ANKS1B: variants seen among roughly 807,000 people sequenced by gnomAD.
The protein encoded by ANKS1B is ankyrin repeat and sterile alpha motif domain containing 1B.
In ANKS1B, 36 loss-of-function variants were observed where a neutral mutation model predicts 148.3. The ratio of observed to expected loss-of-function variants is 0.24; its 90% confidence interval spans 0.19 to 0.32. The LOEUF (loss-of-function observed/expected upper bound fraction) is 0.32. Ranked by LOEUF, ANKS1B falls within the 10% of genes least tolerant of loss-of-function variation. ANKS1B has a pLI of 1.00. For missense variants in ANKS1B, 1,157 were observed against 1,542.6 expected (o/e 0.75, Z 4.19); for synonymous variants, 542 against 560.8 (o/e 0.97, Z 0.47).
At chr12:99,122,289 A>G (rs1437022170) in intron 15 of ANKS1B, among the ~76,000 whole-genome samples, 1 of 152,218 alleles carries the variant, frequency 6.6e-6, no homozygotes, top group Non-Finnish European at 1.5e-5. Context: ...TGTTGAATAG[A>G]AGAATTTGGA....
exon 10 of ANKS1B, chr12:98,735,429 A>C: frequency 2.3e-6 from 1 of 429,918 alleles, no homozygotes; most frequent in Non-Finnish European, 4.2e-6. Context: ...TTGTTTTGAA[A>C]AACATTTTTG....
intron 1 of ANKS1B, among the ~76,000 whole-genome samples, chr12:99,847,774 G>C (rs1484359728): frequency 6.6e-6 from 1 of 151,920 alleles, no homozygotes; most frequent in Non-Finnish European, 1.5e-5. Context: ...TAGGAGTGTT[G>C]ACCCTGACCC....
intron 9 of ANKS1B, among the ~76,000 whole-genome samples, chr12:99,538,754 T>G (rs1171591217): frequency 6.6e-6 from 1 of 152,150 alleles, no homozygotes; most frequent in East Asian, 1.9e-4. Flanking sequence ...TGATTGCTCT[T>G]GCTAGGACTT....
intron 10 of ANKS1B, among the ~76,000 whole-genome samples, chr12:99,493,323 T>G (rs1244363352): frequency 1.3e-5 from 2 of 152,224 alleles, no homozygotes; most frequent in East Asian, 3.8e-4. Context: ...GACTGCAATG[T>G]GAATAATAAA....
At chr12:98,864,693 T>C (rs1400465156) in intron 17 of ANKS1B, among the ~76,000 whole-genome samples, 1 of 152,222 alleles carries the variant, frequency 6.6e-6, no homozygotes, top group African/African-American at 2.4e-5. Context: ...TTTCTATGTA[T>C]GTATACTTAC....
In ANKS1B at chr12:98,990,024, AAG is replaced by A. The variant is rs567047603; in HGVS notation, c.2778+63131_2778+63132del. Among the ~76,000 whole-genome samples, 6 of 152,186 alleles carry A rather than the reference AAG, an allele frequency of 3.9e-5. No homozygotes were observed. The South Asian group carries it at 1.2e-3, about 32-fold the overall frequency. On this transcript the variant is annotated intron_variant, in intron 17 of 26. Coordinates refer to ENST00000683438, the MANE Select transcript of ANKS1B (RefSeq NM_001352186.2). ...AGAAAGGAAGAAAGAAAGAAAGAAA[AAG>A]AAAGAAAAACAGAAAGAAAAAGAAA...
intron 15 of ANKS1B, among the ~76,000 whole-genome samples, chr12:99,109,583 C>T (rs1297873029): frequency 1.3e-5 from 2 of 152,074 alleles, no homozygotes; most frequent in Admixed American, 6.5e-5. Context: ...GATAATGTTG[C>T]CTACTTCGCA....
At chr12:99,293,733 G>A (rs1003741149) in intron 12 of ANKS1B, among the ~76,000 whole-genome samples, 8 of 151,962 alleles carry the variant, frequency 5.3e-5, no homozygotes, top group African/African-American at 1.9e-4. Flanking sequence ...AAAGTGAAGA[G>A]GCATCCTACA....
At chr12:99,170,204 A>C (rs1483659364) in intron 14 of ANKS1B, among the ~76,000 whole-genome samples, 2 of 152,198 alleles carry the variant, frequency 1.3e-5, no homozygotes, top group African/African-American at 4.8e-5. Flanking sequence ...TGCTGTTTCC[A>C]CATGGGTGCT....
Position 98,948,740 on chromosome 12 carries a change from CTCTCTCTCTG to C in ANKS1B, c.2778+104407_2778+104416del, listed in dbSNP as rs1173322745. 3.1e-4 allele frequency among the ~76,000 whole-genome samples: 47 copies of C among 150,260 alleles called. 1 individual carries two copies. Among genetic ancestry groups the C allele is most frequent in the African/African-American group, 1.1e-3 (46 of 40,444 alleles). ...ATTATGCCAATTTCTCTCTCTCTCTCTCTCTCTCTGTCTCTCACACACCCACACCCCCCCC... is the reference window on the plus strand; with the variant it reads ...ATTATGCCAATTTCTCTCTCTCTCTCTCTCTCACACACCCACACCCCCCCC... On this transcript the variant is annotated intron_variant, in intron 17 of 26. Coordinates refer to ENST00000683438, the MANE Select transcript of ANKS1B (RefSeq NM_001352186.2).
chr12:99,678,895 T>C (rs1004028281), intron 8 of ANKS1B, among the ~76,000 whole-genome samples: 9 of 151,982 alleles, frequency 5.9e-5, no homozygotes, highest in African/African-American at 1.9e-4. Flanking sequence ...ACAAGAGTAG[T>C]AGAGGTAAAA....
At chr12:99,493,142 A>G (rs2096570636) in intron 10 of ANKS1B, among the ~76,000 whole-genome samples, 1 of 152,194 alleles carries the variant, frequency 6.6e-6, no homozygotes, top group African/African-American at 2.4e-5. Context: ...AGCATTGAAA[A>G]TAACTCTTGT....
At chr12:98,957,372 G>A (rs1041444147) in intron 17 of ANKS1B, among the ~76,000 whole-genome samples, 13 of 149,958 alleles carry the variant, frequency 8.7e-5, no homozygotes, top group Non-Finnish European at 1.5e-4. Context: ...TTTTGAGACG[G>A]AGTCTCTCTC....
intron 9 of ANKS1B, among the ~76,000 whole-genome samples, chr12:99,582,057 G>A (rs2097576124): frequency 1.3e-5 from 2 of 151,738 alleles, no homozygotes; most frequent in South Asian, 4.2e-4. Context: ...AAGATATAAA[G>A]ATACTTTATA....
rs1408962242 is a variant in ANKS1B, at chr12:99,407,655, T to C, written c.1576-7844A>G. Among the ~76,000 whole-genome samples, 3 of 146,168 alleles carry C rather than the reference T, an allele frequency of 2.1e-5. 1 individual carries two copies. Among genetic ancestry groups the C allele is most frequent in the African/African-American group, 7.8e-5 (3 of 38,616 alleles). ...TTAGAACTGATAAATTCAGTAAAGTTGCAGAATACAAAATCAACATACAAA... is the reference window on the plus strand; with the variant it reads ...TTAGAACTGATAAATTCAGTAAAGTCGCAGAATACAAAATCAACATACAAA... On this transcript the variant is annotated intron_variant, in intron 11 of 26. Transcript: ENST00000683438.
At chr12:99,257,496 C>T (rs2075405272) in intron 12 of ANKS1B, among the ~76,000 whole-genome samples, 1 of 151,930 alleles carries the variant, frequency 6.6e-6, no homozygotes, top group Non-Finnish European at 1.5e-5. Context: ...TCTGAAAATG[C>T]CATTTATTTT....
intron 4 of ANKS1B, among the ~76,000 whole-genome samples, chr12:99,785,698 G>A (rs1027906969): frequency 6.6e-6 from 1 of 152,102 alleles, no homozygotes; most frequent in African/African-American, 2.4e-5. Flanking sequence ...CTCCCAAAGT[G>A]CTGGGATCAC....
At chr12:99,292,756 A>C (rs2154010624) in intron 12 of ANKS1B, among the ~76,000 whole-genome samples, 1 of 152,334 alleles carries the variant, frequency 6.6e-6, no homozygotes, top group South Asian at 2.1e-4. Context: ...AAAAATGCTC[A>C]TCATCACTGG....
intron 8 of ANKS1B, among the ~76,000 whole-genome samples, chr12:99,756,899 G>T (rs949036022): frequency 6.6e-6 from 1 of 152,036 alleles, no homozygotes; most frequent in Non-Finnish European, 1.5e-5. Context: ...GCAATATGCA[G>T]AAAACTGAAA....
Sources: gnomAD v4.1 joint callset for allele counts (sites outside exome capture counted in the v4.1 genomes callset) on GRCh38, gnomAD v4.1.1 for gene constraint, MANE v1.5 for transcripts, NCBI Gene and HGNC (gene_info 2026-07-23, HGNC 2026-07-21) for gene names.